The following NREP variants were observed in gnomAD, a reference collection of about 807,000 sequenced individuals.
NREP encodes neuronal regeneration related protein.
In NREP, 5 loss-of-function variants were observed where a neutral mutation model predicts 8.6. The ratio of observed to expected loss-of-function variants is 0.58; its 90% CI spans 0.30 to 1.22. NREP has a LOEUF of 1.22. Among genes scored for constraint, NREP ranks in the 50% most tolerant of loss-of-function variants. NREP has a pLI of 0.07. For missense variants in NREP, 86 were observed against 82.5 expected (o/e 1.04, Z -0.17); for synonymous variants, 27 against 28.0 (o/e 0.96, Z 0.11).
chr5:111,925,353 C>T (rs1027382703), intron 2 of NREP, among the ~76,000 whole-genome samples: 3 of 152,170 alleles, frequency 2.0e-5, no homozygotes, highest in African/African-American at 7.2e-5. Context: ...ACTGCCAGGA[C>T]AGTCCTTCTT....
chr5:111,748,713 A>C (rs1337328983), intron 2 of NREP, among the ~76,000 whole-genome samples: 1 of 152,174 alleles, frequency 6.6e-6, no homozygotes, highest in African/African-American at 2.4e-5. Flanking sequence ...CTCAGTAATG[A>C]AACTTTTCTA....
intron 2 of NREP, among the ~76,000 whole-genome samples, chr5:111,783,689 A>C (rs1751546093): frequency 6.6e-6 from 1 of 152,202 alleles, no homozygotes; most frequent in Non-Finnish European, 1.5e-5. Context: ...CAGGCATACA[A>C]ACGTCTACTA....
intron 2 of NREP, among the ~76,000 whole-genome samples, chr5:111,888,925 C>A (rs1754326696): frequency 6.6e-6 from 1 of 152,102 alleles, no homozygotes; most frequent in African/African-American, 2.4e-5. Flanking sequence ...GGGTTGTGAT[C>A]ATCAGTGGAT....
rs1377689834 is a variant in NREP, at chr5:111,872,929, C to T, written c.135+102345G>A. 2.0e-5 allele frequency among the ~76,000 whole-genome samples: 3 copies of T among 152,114 alleles called. No homozygotes were observed. The East Asian group carries it at 5.8e-4, about 29-fold the overall frequency. ...ATTCCTGGAAATGGCTTTGGATTTT[C>T]ACAGGCTGGGGAACCATCAGCATTT... On this transcript the variant is annotated intron_variant, in intron 2 of 3. Coordinates refer to the NREP transcript ENST00000395634.
chr5:111,914,976 C>A (rs776807904), intron 2 of NREP, among the ~76,000 whole-genome samples: 2 of 152,084 alleles, frequency 1.3e-5, no homozygotes, highest in Non-Finnish European at 2.9e-5. Flanking sequence ...TGCATTAATA[C>A]AAGTCCTTTT....
intron 2 of NREP, among the ~76,000 whole-genome samples, chr5:111,932,269 T>C (rs1755562283): frequency 6.6e-6 from 1 of 152,088 alleles, no homozygotes; most frequent in African/African-American, 2.4e-5. Flanking sequence ...GGCATAAATG[T>C]TGTACCAAAC....
intron 2 of NREP, among the ~76,000 whole-genome samples, chr5:111,875,810 A>T (rs1475092689): frequency 1.3e-5 from 2 of 152,188 alleles, no homozygotes; most frequent in African/African-American, 4.8e-5. Flanking sequence ...ATGGCCACAG[A>T]GATCAAGGAT....
upstream of NREP, among the ~76,000 whole-genome samples, chr5:111,758,918 T>C (rs138428316): frequency 6.6e-6 from 1 of 152,342 alleles, no homozygotes; most frequent in African/African-American, 2.4e-5. Flanking sequence ...CTGGGTATGA[T>C]GTTTAAGGAG....
At chr5:111,766,730 G>A (rs1751093803) in intron 2 of NREP, among the ~76,000 whole-genome samples, 1 of 152,120 alleles carries the variant, frequency 6.6e-6, no homozygotes, top group Non-Finnish European at 1.5e-5. Flanking sequence ...GGTTCAGATT[G>A]TCAGTTCACT....
At chr5:111,940,861 T>G (rs955152802) in intron 2 of NREP, among the ~76,000 whole-genome samples, 4 of 152,016 alleles carry the variant, frequency 2.6e-5, no homozygotes, top group Admixed American at 2.6e-4. Context: ...CTTTTGGTTA[T>G]AGTACAGTGA....
chr5:111,869,889 G>T (rs1257705373), intron 2 of NREP, among the ~76,000 whole-genome samples: 1 of 152,180 alleles, frequency 6.6e-6, no homozygotes, highest in Admixed American at 6.5e-5. Context: ...TCTTGATGAA[G>T]AAATATGTAT....
intron 2 of NREP, among the ~76,000 whole-genome samples, chr5:111,866,888 C>G (rs573502640): frequency 4.6e-5 from 7 of 151,656 alleles, no homozygotes; most frequent in Non-Finnish European, 1.0e-4. Context: ...AGCAAACGAT[C>G]GCAAGGACAA....
At chr5:111,789,749 C>G (rs1291150364) in intron 2 of NREP, among the ~76,000 whole-genome samples, 1 of 152,156 alleles carries the variant, frequency 6.6e-6, no homozygotes, top group Non-Finnish European at 1.5e-5. Flanking sequence ...TTGACCCTCT[C>G]TTTGTCATTA....
chr5:111,975,673 G>A (rs1035609847), intron 1 of NREP, among the ~76,000 whole-genome samples: 3 of 152,098 alleles, frequency 2.0e-5, no homozygotes, highest in Non-Finnish European at 2.9e-5. Flanking sequence ...TAGAAAAACA[G>A]TATCCATAAA....
At chr5:111,942,710 G>C (rs1389055816) in intron 2 of NREP, among the ~76,000 whole-genome samples, 1 of 151,742 alleles carries the variant, frequency 6.6e-6, no homozygotes, top group Non-Finnish European at 1.5e-5. Context: ...CTCCAGATTT[G>C]GTCAAAATAT....
At chr5:111,915,367 A>G (rs963296433) in intron 2 of NREP, among the ~76,000 whole-genome samples, 1 of 152,106 alleles carries the variant, frequency 6.6e-6, no homozygotes, top group Non-Finnish European at 1.5e-5. Context: ...CTTGCACATG[A>G]ATCCTCATTG....
chr5:111,770,451 C>T (rs1409389734), intron 2 of NREP, among the ~76,000 whole-genome samples: 1 of 151,698 alleles, frequency 6.6e-6, no homozygotes, highest in Non-Finnish European at 1.5e-5. Flanking sequence ...CTTAACCATA[C>T]CTAGCTCAAG....
chr5:111,774,282 A>G (rs1435270534), intron 2 of NREP, among the ~76,000 whole-genome samples: 2 of 151,864 alleles, frequency 1.3e-5, no homozygotes, highest in Non-Finnish European at 2.9e-5. Context: ...GGAGAGAAGA[A>G]GGGAGAGAAG....
At chr5:111,760,474 G>C (rs1320947453), upstream of NREP, among the ~76,000 whole-genome samples, 1 of 152,174 alleles carries the variant, frequency 6.6e-6, no homozygotes, top group East Asian at 1.9e-4. Context: ...TTGTCGTCTG[G>C]GGTGAAGGGG....
Sources: gnomAD v4.1 joint callset for allele counts (sites outside exome capture counted in the v4.1 genomes callset) on GRCh38, gnomAD v4.1.1 for gene constraint, MANE v1.5 for transcripts, NCBI Gene and HGNC (gene_info 2026-07-23, HGNC 2026-07-21) for gene names.